TJP2: variants seen among roughly 807,000 people sequenced by gnomAD.
TJP2 encodes the protein Friedreich ataxia region gene X104 (tight junction protein ZO-2).
In TJP2, 91 loss-of-function variants were observed where a neutral mutation model predicts 133.1. That is an observed-to-expected ratio of 0.68 (90% CI 0.58 to 0.81). TJP2 has a LOEUF of 0.81. TJP2 is among the 40% of genes least tolerant of loss of function. TJP2 has a pLI of 0.00. For missense variants in TJP2, 1,541 were observed against 1,565.6 expected (o/e 0.98, Z 0.26); for synonymous variants, 592 against 583.4 (o/e 1.01, Z -0.21).
chr9:69,253,077 T>C (rs1831458998), intron 22 of TJP2, 177 bp downstream of exon 22: 5 of 641,882 alleles, frequency 7.8e-6, no homozygotes, highest in Middle Eastern at 4.2e-4. Context: ...GAGTCAAAAC[T>C]TAAGCATAGT....
In TJP2 at chr9:69,236,965, A is replaced by C; in HGVS notation, c.2008A>C (p.Ser670Arg). 1 of 1,614,242 alleles carries C rather than the reference A, an allele frequency of 6.2e-7. No homozygotes were observed. The highest frequency in any genetic ancestry group is 1.1e-5 in the South Asian group (1 of 91,082). Residue 670 changes from serine (S) to arginine (R), a missense_variant, in exon 14 of 23, where the codon AGT becomes CGT. Coordinates refer to ENST00000377245, the MANE Select transcript of TJP2 (RefSeq NM_004817.4). ...PNKSRAEQMA[S>R]VQNAQRDNAG... is the part of the protein sequence containing the mutation. Reference sequence around the variant, plus strand: ...TCTTCTCAGAGCTGAACAAATGGCCAGTGTTCAAAATGCCCAGAGAGACAA... The same window carrying C: ...TCTTCTCAGAGCTGAACAAATGGCCCGTGTTCAAAATGCCCAGAGAGACAA...
chr9:69,218,175 T>C (rs533049434), intron 3 of TJP2, 82 bp from the exon 4 acceptor site: 1 of 1,185,304 alleles, frequency 8.4e-7, no homozygotes, highest in Non-Finnish European at 1.3e-6. Context: ...GTCTATTTGC[T>C]GCTTCTATTT....
intron 2 of TJP2, among the ~76,000 whole-genome samples, chr9:69,154,323 G>C (rs1823631050): frequency 6.6e-6 from 1 of 152,166 alleles, no homozygotes; most frequent in Non-Finnish European, 1.5e-5. Context: ...TGATCGATTG[G>C]CAATGTCCGG....
At chr9:69,129,703 G>A (rs1396285694) in intron 1 of TJP2, among the ~76,000 whole-genome samples, 2 of 152,094 alleles carry the variant, frequency 1.3e-5, no homozygotes, top group South Asian at 2.1e-4. Flanking sequence ...TTGGGAGGCC[G>A]AGGCGTGCGG....
At chr9:69,204,811 A>G (rs1172312943) in intron 1 of TJP2, 6 of 1,069,292 alleles carry the variant, frequency 5.6e-6, no homozygotes, top group Middle Eastern at 4.4e-4. Flanking sequence ...ATGTTGCTCT[A>G]AAGTGTCTCA....
Position 69,220,877 on chromosome 9 carries a change from T to G in TJP2, c.343-10T>G. 6.2e-7 allele frequency: 1 copy of G among 1,612,150 alleles called. No individual in the cohort carries two copies. The highest frequency in any genetic ancestry group is 8.5e-7 in the Non-Finnish European group (1 of 1,179,906). On this transcript the variant is annotated splice_polypyrimidine_tract_variant and intron_variant, in intron 4 of 22. Coordinates refer to ENST00000377245, the MANE Select transcript of TJP2 (RefSeq NM_004817.4). ...GTCCTGCGTCCACACTGAGTTTGTT[T>G]TGACAACAGGTGGTCAAGAGGCCCC...
intron 1 of TJP2, among the ~76,000 whole-genome samples, chr9:69,189,079 C>A (rs1826041005): frequency 6.6e-6 from 1 of 152,162 alleles, no homozygotes; most frequent in Non-Finnish European, 1.5e-5. Context: ...GTGGAGTAGA[C>A]TAGTCAGCTT....
At position 69,239,953 on chromosome 9, in the gene TJP2, T is replaced by C. The variant is rs1563950539; in HGVS notation, c.2372T>C (p.Leu791Pro). The C allele has an allele frequency of 3.1e-6, 5 of 1,614,082 alleles. No individual in the cohort carries two copies. In the South Asian group the frequency reaches 4.4e-5, roughly 14 times the overall value. ...TGTAAACAGGATAAGCATGCACTAC[T>C]GGATGTGACTCCGAAAGCTGTGGAC... ...QIIEQDKHALLDVTPKAVDLL... is the reference protein window; with the variant it reads ...QIIEQDKHALPDVTPKAVDLL... The change falls in exon 17 of 23, where the codon CTG (leucine) becomes CCG (proline). Residue 791 changes from leucine (L) to proline (P), a missense_variant. Physicochemically the swap from Leu to Pro is moderately conservative, Grantham distance 98. Transcript: ENST00000377245.
intron 1 of TJP2, among the ~76,000 whole-genome samples, chr9:69,140,829 A>G (rs1822988252): frequency 6.6e-6 from 1 of 152,176 alleles, no homozygotes; most frequent in African/African-American, 2.4e-5. Context: ...CCCTCACATA[A>G]GGAGTTCAAA....
chr9:69,140,972 A>G (rs1406403411), intron 1 of TJP2, among the ~76,000 whole-genome samples: 3 of 152,130 alleles, frequency 2.0e-5, no homozygotes, highest in African/African-American at 7.2e-5. Context: ...TTAGCTTCCC[A>G]GGTAGCTGGG....
intron 1 of TJP2, among the ~76,000 whole-genome samples, chr9:69,203,985 A>G (rs965455462): frequency 6.6e-6 from 1 of 152,014 alleles, no homozygotes; most frequent in East Asian, 1.9e-4. Context: ...GAAGAACTCA[A>G]CTCTTAGGGA....
chr9:69,201,846 A>C (rs1827018929), intron 1 of TJP2, among the ~76,000 whole-genome samples: 1 of 152,180 alleles, frequency 6.6e-6, no homozygotes, highest in South Asian at 2.1e-4. Flanking sequence ...TGCTATGTGA[A>C]GTAAGCCAAT....
At chr9:69,231,295 A>G (rs1476006747) in intron 11 of TJP2, among the ~76,000 whole-genome samples, 2 of 152,032 alleles carry the variant, frequency 1.3e-5, no homozygotes, top group Non-Finnish European at 2.9e-5. Flanking sequence ...ACAGGGTTTC[A>G]TCATGTTGCC....
rs1422193223 is a variant in TJP2, at chr9:69,128,039, A to G, written c.-131+6314A>G. Among the ~76,000 whole-genome samples the G allele has an allele frequency of 2.0e-4, 15 of 75,348 alleles. 6 individuals are homozygous for G. The highest frequency in any genetic ancestry group is 6.1e-4 in the African/African-American group (15 of 24,544). The allele number at this position is 75,348 out of a possible 152,430, so 49.4% of individuals were successfully genotyped here. On this transcript the variant is annotated intron_variant, in intron 1 of 5. Coordinates refer to the TJP2 transcript ENST00000423935. ...GCAGTCCTCCTGTCTCGGCCTCCCA[A>G]AGTGCTAAGATTATAGGTGTGAGCC...
intron 21 of TJP2, among the ~76,000 whole-genome samples, chr9:69,252,610 A>G (rs1290048029): frequency 6.6e-6 from 1 of 152,144 alleles, no homozygotes; most frequent in Non-Finnish European, 1.5e-5. Context: ...TCAGAGTTTC[A>G]TTCCTTTTAA....
chr9:69,230,960 G>T (rs7026183), intron 11 of TJP2, among the ~76,000 whole-genome samples: 2,477 of 152,184 alleles, frequency 0.016, 66 homozygotes, highest in African/African-American at 0.056. Context: ...CTATGTGTTT[G>T]TATAATCTGT....
At chr9:69,252,669 G>A (rs2133504226) in intron 21 of TJP2, 146 bp from the exon 22 acceptor site, 1 of 766,830 alleles carries the variant, frequency 1.3e-6, no homozygotes. Context: ...GAAATGAGGA[G>A]GCCGCTTCTG....
intron 2 of TJP2, among the ~76,000 whole-genome samples, chr9:69,156,492 G>A (rs1202548347): frequency 6.6e-6 from 1 of 151,766 alleles, no homozygotes; most frequent in East Asian, 1.9e-4. Flanking sequence ...ACATTTTAGG[G>A]AGACATAATA....
chr9:69,226,280 G>A (rs760971545), intron 7 of TJP2, 105 bp downstream of exon 7: 39 of 1,329,042 alleles, frequency 2.9e-5, no homozygotes, highest in Non-Finnish European at 4.0e-5. Flanking sequence ...AATTTCTAAG[G>A]AAAGACCCCT....
Sources: allele counts gnomAD v4.1 joint callset (sites outside exome capture counted in the v4.1 genomes callset), GRCh38; gene constraint gnomAD v4.1.1; transcripts MANE v1.5; gene names NCBI Gene and HGNC (gene_info 2026-07-23, HGNC 2026-07-21).